The following COL4A2 variants were observed in gnomAD, a reference collection of about 807,000 sequenced individuals.
The protein encoded by COL4A2 is collagen type IV alpha 2 chain.
Under a neutral mutation model 200.2 loss-of-function variants are expected in COL4A2, and 99 were observed. The observed-to-expected ratio is 0.49, with a 90% confidence interval of 0.42 to 0.58. COL4A2 has a LOEUF of 0.58. Among genes scored for constraint, COL4A2 ranks in the 20% least tolerant of loss-of-function variants. COL4A2 has a pLI of 0.00. For synonymous variants in COL4A2, 897 were observed against 900.6 expected, an observed-to-expected ratio of 1.00 and a Z score of 0.07; for missense variants, 1,950 against 2,314.1, an observed-to-expected ratio of 0.84 and a Z score of 3.23.
rs550648452 is a variant in COL4A2 at position 110,335,525 on chromosome 13, A to T, written c.100-21947A>T. On this transcript the variant is annotated intron_variant, in intron 3 of 47. Coordinates refer to ENST00000360467, the MANE Select transcript of COL4A2 (RefSeq NM_001846.4). Reference sequence around the variant, plus strand: ...CCATGATTGTGAGGCCTCCCCAGCCACATGGAACTGTGAGTCCTTTAAACC... The same window carrying T: ...CCATGATTGTGAGGCCTCCCCAGCCTCATGGAACTGTGAGTCCTTTAAACC... 5.9e-5 allele frequency among the ~76,000 whole-genome samples: 9 copies of T among 152,328 alleles called. No individual in the cohort carries two copies. In the East Asian group the frequency reaches 1.4e-3, roughly 23 times the overall value.
chr13:110,451,264 G>C (rs114727730), intron 20 of COL4A2, among the ~76,000 whole-genome samples: 1 of 152,220 alleles, frequency 6.6e-6, no homozygotes, highest in Non-Finnish European at 1.5e-5. Context: ...ATGCTTTAAA[G>C]ACCAAGCTTG....
At chr13:110,409,933 G>A (rs1299671425) in intron 4 of COL4A2, among the ~76,000 whole-genome samples, 1 of 152,076 alleles carries the variant, frequency 6.6e-6, no homozygotes, top group African/African-American at 2.4e-5. Context: ...GTGAAACCCG[G>A]CCCACACGTC....
chr13:110,346,056 G>A (rs1876686676), intron 3 of COL4A2, among the ~76,000 whole-genome samples: 1 of 152,180 alleles, frequency 6.6e-6, no homozygotes, highest in Admixed American at 6.5e-5. Flanking sequence ...ATCCTGGGCT[G>A]CCTCTATCAC....
intron 10 of COL4A2, among the ~76,000 whole-genome samples, chr13:110,431,563 G>A (rs916369032): frequency 7.2e-5 from 11 of 152,294 alleles, no homozygotes; most frequent in Admixed American, 1.3e-4. Flanking sequence ...CATACGAGGC[G>A]CTGTTGCTGT....
intron 3 of COL4A2, among the ~76,000 whole-genome samples, chr13:110,331,382 G>A (rs1875905895): frequency 6.6e-6 from 1 of 152,186 alleles, no homozygotes; most frequent in South Asian, 2.1e-4. Context: ...GGAAAGAGGG[G>A]ACGAATCCTA....
At chr13:110,390,682 A>T (rs1161783582) in intron 4 of COL4A2, among the ~76,000 whole-genome samples, 1 of 152,168 alleles carries the variant, frequency 6.6e-6, no homozygotes, top group Non-Finnish European at 1.5e-5. Flanking sequence ...GACTTCCTTG[A>T]TGTTAATTCT....
At chr13:110,334,506 G>C (rs779307428) in intron 3 of COL4A2, among the ~76,000 whole-genome samples, 1 of 152,170 alleles carries the variant, frequency 6.6e-6, no homozygotes, top group Admixed American at 6.5e-5. Flanking sequence ...TCCAGGTTTC[G>C]CACTTGGAAG....
intron 29 of COL4A2, among the ~76,000 whole-genome samples, chr13:110,477,328 G>A (rs1447936289): frequency 6.6e-6 from 1 of 152,266 alleles, no homozygotes; most frequent in African/African-American, 2.4e-5. Context: ...CATCATGACT[G>A]CCAGGGTTCC....
chr13:110,349,374 C>T (rs985467411), intron 3 of COL4A2, among the ~76,000 whole-genome samples: 3 of 152,188 alleles, frequency 2.0e-5, no homozygotes, highest in African/African-American at 4.8e-5. Context: ...TGCCTGGTGG[C>T]ACAGGATCCT....
chr13:110,354,511 A>G (rs1042029043), intron 3 of COL4A2, among the ~76,000 whole-genome samples: 2 of 152,194 alleles, frequency 1.3e-5, no homozygotes, highest in East Asian at 3.8e-4. Flanking sequence ...CTTTTACACC[A>G]TAAACTCCAG....
At chr13:110,326,388 C>T (rs141882943) in intron 3 of COL4A2, among the ~76,000 whole-genome samples, 1 of 152,202 alleles carries the variant, frequency 6.6e-6, no homozygotes, top group Admixed American at 6.5e-5. Context: ...TCCTCGTGCA[C>T]CTAAACCTCA....
chr13:110,432,026 T>C (rs1031233410), intron 10 of COL4A2, among the ~76,000 whole-genome samples: 12 of 152,176 alleles, frequency 7.9e-5, no homozygotes, highest in African/African-American at 2.2e-4. Context: ...GCCTGGGACC[T>C]TGCAAAGGGA....
At chr13:110,479,548 TAAG>T (rs1378778204) in intron 30 of COL4A2, among the ~76,000 whole-genome samples, 1 of 51,856 alleles carries the variant, frequency 1.9e-5, no homozygotes, top group Non-Finnish European at 4.2e-5. Context: ...GGGGTTTAGA[TAAG>T]AAGATTGAGC....
intron 3 of COL4A2, among the ~76,000 whole-genome samples, chr13:110,321,972 A>G (rs1442448403): frequency 2.0e-5 from 3 of 152,254 alleles, no homozygotes; most frequent in African/African-American, 7.2e-5. Context: ...GGGGACACAG[A>G]GCCAAACCAT....
chr13:110,415,784 C>CACA (rs1880019635), intron 4 of COL4A2, among the ~76,000 whole-genome samples: 1 of 152,240 alleles, frequency 6.6e-6, no homozygotes, highest in African/African-American at 2.4e-5. Flanking sequence ...GAAGGCCACC[C>CACA]ACACGCCTTT....
Position 110,495,284 on chromosome 13 carries a change from A to G in COL4A2, c.3635-58A>G, listed in dbSNP as rs575868238. 10 of 1,611,002 alleles carry G rather than the reference A, an allele frequency of 6.2e-6. No homozygotes were observed. The East Asian group carries it at 2.0e-4, about 32-fold the overall frequency. On this transcript the variant is annotated intron_variant, in intron 39 of 47. Transcript: ENST00000360467. The stretch of plus-strand genomic sequence containing the variant: ...ACCCCAAGCTGTTCTTTCACTTAGG[A>G]AAGTCAACTGTATGGTTGGAAACAC...
chr13:110,496,304 G>T (rs1304606305), intron 40 of COL4A2, among the ~76,000 whole-genome samples: 1 of 152,244 alleles, frequency 6.6e-6, no homozygotes, highest in African/African-American at 2.4e-5. Context: ...GGGGTGCAGG[G>T]ATGTCTCGAG....
rs577942899 is a variant in COL4A2, at chr13:110,448,315, C to T, written c.1079-1364C>T. Reference sequence around the variant, plus strand: ...CTGAGAACCCAACTCTCACCAACCCCTCCCTTCTCACCGTACTATATTCCT... The same window carrying T: ...CTGAGAACCCAACTCTCACCAACCCTTCCCTTCTCACCGTACTATATTCCT... On this transcript the variant is annotated intron_variant, in intron 18 of 47. Transcript: ENST00000360467. Among the ~76,000 whole-genome samples the T allele has an allele frequency of 2.6e-5, 4 of 152,348 alleles. No homozygotes were observed. In the South Asian group the frequency reaches 8.3e-4, roughly 32 times the overall value.
At chr13:110,355,136 G>A (rs998116942) in intron 3 of COL4A2, among the ~76,000 whole-genome samples, 1 of 152,270 alleles carries the variant, frequency 6.6e-6, no homozygotes. Context: ...TGCATGATAA[G>A]GTTTCAATCA....
Sources: allele counts gnomAD v4.1 joint callset (sites outside exome capture counted in the v4.1 genomes callset), GRCh38; gene constraint gnomAD v4.1.1; transcripts MANE v1.5; gene names NCBI Gene and HGNC (gene_info 2026-07-23, HGNC 2026-07-21).